The following NPLOC4 variants were observed in gnomAD, a reference collection of about 807,000 sequenced individuals.
NPLOC4 encodes NPL4 homolog, ubiquitin recognition factor.
A neutral mutation model predicts 80.6 loss-of-function variants in NPLOC4; 18 were observed. The observed-to-expected ratio is 0.22, with a 90% CI of 0.15 to 0.33. NPLOC4 has a LOEUF of 0.33. Ranked by LOEUF, NPLOC4 falls within the 10% of genes least tolerant of loss-of-function variation. The pLI is 1.00. For missense variants in NPLOC4, 540 were observed against 786.1 expected (o/e 0.69, Z 3.74); for synonymous variants, 313 against 301.5 (o/e 1.04, Z -0.39).
intron 11 of NPLOC4, among the ~76,000 whole-genome samples, chr17:81,591,950 T>G (rs8075102): frequency 0.68 from 103,919 of 151,786 alleles, 36,580 homozygotes; most frequent in Non-Finnish European, 0.76. Flanking sequence ...GCCCAGTGTG[T>G]GGGGTAAGTT....
At chr17:81,579,373 A>G (rs1416621328) in intron 12 of NPLOC4, among the ~76,000 whole-genome samples, 2 of 152,182 alleles carry the variant, frequency 1.3e-5, no homozygotes, top group Non-Finnish European at 2.9e-5. Context: ...GCGAGACTCC[A>G]TCTCAAAAAT....
rs1159817117 is a variant in NPLOC4, at chr17:81,572,126, G to C, written c.1282-38C>G. Reference sequence around the variant, plus strand: ...GAGGGGAACAGCGGTGAGCAAAGACGATCAGTAGTAATGATTTTCCTTTCA... The same window carrying C: ...GAGGGGAACAGCGGTGAGCAAAGACCATCAGTAGTAATGATTTTCCTTTCA... On this transcript the variant is annotated intron_variant, in intron 12 of 16. Coordinates refer to ENST00000331134, the MANE Select transcript of NPLOC4 (RefSeq NM_017921.4). The surrounding 1 kb of genome is among the most constrained non-coding windows in gnomAD (Gnocchi z 4.5). 7.2e-7 allele frequency: 1 copy of C among 1,386,050 alleles called. No homozygotes were observed. Among genetic ancestry groups the C allele is most frequent in the Admixed American group, 1.8e-5 (1 of 54,622 alleles). The allele number at this position is 1,386,050 out of a possible 1,614,324, so 85.9% of individuals were successfully genotyped here.
chr17:81,569,191 C>A, intron 13 of NPLOC4, 80 bp from the exon 14 acceptor site: 1 of 889,100 alleles, frequency 1.1e-6, no homozygotes. Context: ...AGAGCATCTC[C>A]CAGAGCCCAA....
chr17:81,585,170 C>CAA (rs35473939), intron 12 of NPLOC4, among the ~76,000 whole-genome samples: 15,485 of 40,918 alleles, frequency 0.38, 4,967 homozygotes, highest in Non-Finnish European at 0.44. Context: ...ACTCTGTCGC[C>CAA]AAAAAAAAAA....
intron 12 of NPLOC4, among the ~76,000 whole-genome samples, chr17:81,575,120 G>A (rs531614199): frequency 6.6e-6 from 1 of 152,076 alleles, no homozygotes; most frequent in Non-Finnish European, 1.5e-5. Flanking sequence ...TTTTTTTTGA[G>A]AGGGAGTCTC....
At chr17:81,593,908 C>A (rs2144161294) in intron 11 of NPLOC4, among the ~76,000 whole-genome samples, 1 of 152,188 alleles carries the variant, frequency 6.6e-6, no homozygotes, top group East Asian at 1.9e-4. Context: ...AATTCCCAGA[C>A]CCTCCTTCAA....
chr17:81,631,427 T>TATATAC (rs2035923069), intron 1 of NPLOC4, among the ~76,000 whole-genome samples: 2 of 48,016 alleles, frequency 4.2e-5, no homozygotes, highest in African/African-American at 2.7e-4. Context: ...TGTACATATA[T>TATATAC]ATATATATAT....
intron 12 of NPLOC4, among the ~76,000 whole-genome samples, chr17:81,583,834 T>C (rs967174305): frequency 6.6e-6 from 1 of 152,196 alleles, no homozygotes; most frequent in Non-Finnish European, 1.5e-5. Context: ...TGCATGTAAA[T>C]GTATGTCCAC....
At chr17:81,575,991 C>G (rs1446835976) in intron 12 of NPLOC4, among the ~76,000 whole-genome samples, 3 of 147,718 alleles carry the variant, frequency 2.0e-5, no homozygotes, top group Non-Finnish European at 4.5e-5. Context: ...GGTCTTGTGC[C>G]AGCAAATACA....
intron 9 of NPLOC4, 138 bp from the exon 10 acceptor site, chr17:81,597,454 T>A: frequency 1.5e-6 from 1 of 658,834 alleles, no homozygotes; most frequent in Non-Finnish European, 2.7e-6. Context: ...ATCGAGACCA[T>A]CCTGGCCAAT....
chr17:81,633,236 T>C (rs2035978585), intron 1 of NPLOC4, among the ~76,000 whole-genome samples: 1 of 152,128 alleles, frequency 6.6e-6, no homozygotes. Flanking sequence ...ATATATAGCA[T>C]TAGGTAAATA....
intron 6 of NPLOC4, among the ~76,000 whole-genome samples, chr17:81,607,246 G>A (rs953068854): frequency 1.3e-5 from 2 of 152,064 alleles, no homozygotes; most frequent in Non-Finnish European, 2.9e-5. Context: ...TTATTCATGG[G>A]AAAAATCTGA....
intron 12 of NPLOC4, among the ~76,000 whole-genome samples, chr17:81,583,840 T>C (rs2034505213): frequency 1.3e-5 from 2 of 152,234 alleles, no homozygotes; most frequent in Non-Finnish European, 1.5e-5. Flanking sequence ...TAAATGTATG[T>C]CCACATCCAT....
intron 3 of NPLOC4, among the ~76,000 whole-genome samples, chr17:81,619,616 C>T (rs1638699841): frequency 6.6e-6 from 1 of 150,730 alleles, no homozygotes; most frequent in African/African-American, 2.4e-5. Flanking sequence ...CAGTGGCTTA[C>T]ATCTGTAATG....
chr17:81,610,009 C>T (rs924487965), intron 5 of NPLOC4, among the ~76,000 whole-genome samples: 3 of 152,158 alleles, frequency 2.0e-5, no homozygotes, highest in Admixed American at 6.5e-5. Flanking sequence ...CATAATCCAG[C>T]GAGAAGGTCA....
At position 81,557,749 on chromosome 17, in the gene NPLOC4, C is replaced by T. The variant is rs978796183; in HGVS notation, c.*1510G>A. ...TTCAACCCAGCTCCTCTCCACCCTT[C>T]CTGACCCTCCACAATAGCTCTGCCG... On this transcript the variant is annotated 3_prime_UTR_variant, in exon 17 of 17. Transcript: ENST00000331134. 1 of 152,326 alleles carries T rather than the reference C, an allele frequency of 6.6e-6. No homozygotes were observed. The highest frequency in any genetic ancestry group is 1.5e-5 in the Non-Finnish European group (1 of 68,094). 9.4% of individuals were successfully genotyped at this position (152,326 alleles called of 1,614,324 possible).
chr17:81,561,090 T>C (rs1306141910), intron 16 of NPLOC4, among the ~76,000 whole-genome samples: 2 of 152,160 alleles, frequency 1.3e-5, no homozygotes, highest in Non-Finnish European at 2.9e-5. Context: ...CCCAAGTAGC[T>C]AGGATTACAG....
chr17:81,565,264 A>C (rs1387013658), intron 16 of NPLOC4: 3 of 685,144 alleles, frequency 4.4e-6, no homozygotes, highest in Non-Finnish European at 8.0e-6. Flanking sequence ...ACAGGTTTAT[A>C]AAATTTACAG....
intron 6 of NPLOC4, among the ~76,000 whole-genome samples, chr17:81,607,745 A>G (rs868630796): frequency 6.6e-6 from 1 of 152,312 alleles, no homozygotes; most frequent in Non-Finnish European, 1.5e-5. Flanking sequence ...CTTAGTCCAG[A>G]GAGTTCCACA....
Sources: allele counts gnomAD v4.1 joint callset (sites outside exome capture counted in the v4.1 genomes callset), GRCh38; gene constraint gnomAD v4.1.1; non-coding constraint Gnocchi (gnomAD v3.1); transcripts MANE v1.5; gene names NCBI Gene and HGNC (gene_info 2026-07-23, HGNC 2026-07-21).